Variants in TTC21B observed in about 807,000 individuals in gnomAD.
TTC21B encodes tetratricopeptide repeat domain 21B.
In TTC21B, 127 loss-of-function variants were observed where a neutral mutation model predicts 175.1. That is an observed-to-expected ratio of 0.73 (90% confidence interval 0.63 to 0.84). The LOEUF (loss-of-function observed/expected upper bound fraction) is 0.84, where lower values mean the gene tolerates loss of function less well. TTC21B is among the 40% of genes least tolerant of loss of function. The pLI is 0.00. For synonymous variants in TTC21B, 524 were observed against 524.5 expected (o/e 1.00, Z 0.01); for missense variants, 1,561 against 1,558.3 (o/e 1.00, Z -0.03).
At chr2:165,935,905 A>G (rs1459503850) in intron 6 of TTC21B, among the ~76,000 whole-genome samples, 1 of 152,116 alleles carries the variant, frequency 6.6e-6, no homozygotes, top group African/African-American at 2.4e-5. Context: ...CTGTAAACTA[A>G]CTCAATGCAA....
At chr2:165,905,027 TAGA>T (rs1322398429) in intron 19 of TTC21B, among the ~76,000 whole-genome samples, 1 of 152,166 alleles carries the variant, frequency 6.6e-6, no homozygotes, top group Non-Finnish European at 1.5e-5. Flanking sequence ...AGGGAGAACC[TAGA>T]AGATTTCTCT....
intron 19 of TTC21B, among the ~76,000 whole-genome samples, chr2:165,906,687 G>GTAATCCCAGCA (rs1685746587): frequency 6.6e-6 from 1 of 152,140 alleles, no homozygotes; most frequent in African/African-American, 2.4e-5. Flanking sequence ...GCTCACGCCT[G>GTAATCCCAGCA]TAATCCCAGC....
chr2:165,916,505 T>C (rs976452828), intron 14 of TTC21B, among the ~76,000 whole-genome samples: 1 of 152,206 alleles, frequency 6.6e-6, no homozygotes, highest in Non-Finnish European at 1.5e-5. Flanking sequence ...AATATTCCTA[T>C]GAGTTTACCA....
In TTC21B at chr2:165,915,239, C is replaced by A. The variant is rs368202285; in HGVS notation, c.2100G>T (p.Lys700Asn). Residue 700 changes from lysine (K) to asparagine (N), a missense_variant, in exon 15 of 29, where the codon AAG (lysine) becomes AAT (asparagine). Lys to Asn is a moderately conservative substitution (Grantham distance 94). Coordinates refer to ENST00000243344, the MANE Select transcript of TTC21B (RefSeq NM_024753.5). ...AREKMADIYLKHRKDKMLYIT... is the reference protein window; with the variant it reads ...AREKMADIYLNHRKDKMLYIT... ...TATATAACATTTTATCTTTTCTGTG[C>A]TTCAGATAAATATCTGCCATTTTTT... 2 of 1,613,878 alleles carry A rather than the reference C, an allele frequency of 1.2e-6. No homozygotes were observed. The highest frequency in any genetic ancestry group is 4.5e-5 in the East Asian group (2 of 44,866).
intron 10 of TTC21B, 55 bp downstream of exon 10, chr2:165,929,595 T>G: frequency 7.8e-7 from 1 of 1,277,798 alleles, no homozygotes; most frequent in South Asian, 1.2e-5. Flanking sequence ...TGATTAATAA[T>G]TTCATATTTT....
chr2:165,890,135 G>T (rs1685137116), intron 24 of TTC21B, among the ~76,000 whole-genome samples: 1 of 152,132 alleles, frequency 6.6e-6, no homozygotes, highest in South Asian at 2.1e-4. Context: ...ACTACCATTT[G>T]TTAAGTAGTT....
chr2:165,949,433 G>T lies in TTC21B; in HGVS notation c.223C>A (p.Leu75Ile). Residue 75 changes from leucine to isoleucine, a missense_variant, in exon 3 of 29, where the codon CTT becomes ATT. Physicochemically the swap from Leu to Ile is conservative, Grantham distance 5 (BLOSUM62 2). Coordinates refer to ENST00000243344, the MANE Select transcript of TTC21B (RefSeq NM_024753.5). ...NKQDVSLCSL[L>I]ALIYAHKMSP... ...ATTTTATGGGCATATATCAGTGCAA[G>T]TAGAGAACAAAGTGATACATCTTGT... The T allele has an allele frequency of 6.2e-7, 1 of 1,613,694 alleles. No individual in the cohort carries two copies. Among genetic ancestry groups the T allele is most frequent in the Non-Finnish European group, 8.5e-7 (1 of 1,179,728 alleles).
At chr2:165,913,315 C>G (rs375980112) in intron 16 of TTC21B, among the ~76,000 whole-genome samples, 4 of 152,084 alleles carry the variant, frequency 2.6e-5, no homozygotes, top group Non-Finnish European at 4.4e-5. Flanking sequence ...CATGAACCAC[C>G]GTGCCTGGCC....
chr2:165,914,686 T>TGTGTGTGTGTGTGCGCGCGCGCGC lies in TTC21B; in HGVS notation c.2138+514_2138+515insGCGCGCGCGCGCACACACACACAC, dbSNP rs1559056063. On this transcript the variant is annotated intron_variant, in intron 15 of 28. Transcript: ENST00000243344. ...GTGTGTGTGTGTGTGTGTGTGTGTG[T>TGTGTGTGTGTGTGCGCGCGCGCGC]GTGTGTGTGTGTTGTGTATCCCAAT... Among the ~76,000 whole-genome samples, 6 of 151,164 alleles carry TGTGTGTGTGTGTGCGCGCGCGCGC rather than the reference T, an allele frequency of 4.0e-5. 1 individual carries two copies. The highest frequency in any genetic ancestry group is 1.5e-4 in the African/African-American group (6 of 41,058).
chr2:165,925,915 CTT>C (rs1387411557), intron 11 of TTC21B, among the ~76,000 whole-genome samples: 1 of 152,120 alleles, frequency 6.6e-6, no homozygotes, highest in African/African-American at 2.4e-5. Flanking sequence ...TGATAATGTT[CTT>C]TGTCACCTGC....
Position 165,917,442 on chromosome 2 carries a change from A to G in TTC21B, c.1714T>C (p.Ser572Pro), listed in dbSNP as rs2105327024. 1 of 1,613,912 alleles carries G rather than the reference A, an allele frequency of 6.2e-7. No homozygotes were observed. The highest frequency in any genetic ancestry group is 8.5e-7 in the Non-Finnish European group (1 of 1,179,946). The change falls in exon 14 of 29, where the codon TCA (serine) becomes CCA (proline). Residue 572 changes from serine (S) to proline (P), a missense_variant. Physicochemically the swap from Ser to Pro is moderately conservative, Grantham distance 74. Transcript: ENST00000243344. The part of the protein sequence containing the change: ...YPLYHLIKAQ[S>P]QKKMGEIADA... ...GCTATTTCTCCCATTTTCTTTTGTG[A>G]CTGAGCTTTTATCAAATGGTATAAA... is the stretch of plus-strand genomic sequence containing the variant.
At chr2:165,920,800 A>ATG (rs1470863737) in intron 12 of TTC21B, among the ~76,000 whole-genome samples, 1 of 62,438 alleles carries the variant, frequency 1.6e-5, no homozygotes, top group Admixed American at 2.0e-4. Context: ...TTTGAAGGAT[A>ATG]CTAAATATTT....
chr2:165,912,247 A>G (rs1685977292), intron 17 of TTC21B, among the ~76,000 whole-genome samples: 1 of 152,204 alleles, frequency 6.6e-6, no homozygotes, highest in African/African-American at 2.4e-5. Context: ...AAGAGGTGTA[A>G]GAATAGCAAC....
At chr2:165,938,762 G>A (rs1266581542) in intron 6 of TTC21B, among the ~76,000 whole-genome samples, 1 of 151,926 alleles carries the variant, frequency 6.6e-6, no homozygotes, top group East Asian at 1.9e-4. Flanking sequence ...GAGAAAGGAA[G>A]GGAGAGGGAA....
At chr2:165,906,564 C>A (rs187061668) in intron 19 of TTC21B, among the ~76,000 whole-genome samples, 391 of 152,034 alleles carry the variant, frequency 2.6e-3, no homozygotes, top group Non-Finnish European at 4.0e-3. Context: ...ATATAAGAAA[C>A]AATTTGAAAA....
intron 18 of TTC21B, among the ~76,000 whole-genome samples, chr2:165,909,375 A>C (rs1685853026): frequency 1.3e-5 from 2 of 152,148 alleles, no homozygotes; most frequent in Admixed American, 1.3e-4. Context: ...AAAAAAAGAC[A>C]TGAAAAGCAG....
rs1226147886 is a variant in TTC21B, at chr2:165,932,976, C to G, written c.792G>C (p.Glu264Asp). ...LYYVCREGDI[E>D]KASTKLENLG... is the part of the protein sequence containing the mutation. ...TAAATAATACAATGCCACTTACCTT[C>G]TCTATATCCCCCTCTCTACACACAT... Residue 264 changes from glutamate to aspartate, a missense_variant, in exon 7 of 29, where the codon GAG becomes GAC. Glu to Asp is a conservative substitution (Grantham distance 45). Transcript: ENST00000243344. The G allele has an allele frequency of 6.2e-7, 1 of 1,612,324 alleles. No individual in the cohort carries two copies. Among genetic ancestry groups the G allele is most frequent in the African/African-American group, 1.3e-5 (1 of 74,888 alleles).
chr2:165,915,185 T>G lies in TTC21B; in HGVS notation c.2138+16A>C, dbSNP rs371071790. 3 of 1,596,194 alleles carry G rather than the reference T, an allele frequency of 1.9e-6. No individual in the cohort carries two copies. The highest frequency in any genetic ancestry group is 4.5e-5 in the East Asian group (2 of 44,744). On this transcript the variant is annotated intron_variant, in intron 15 of 28. Transcript: ENST00000243344. ...CTAAATGTATCAAAATATAATGGGT[T>G]AAGACAATTACTTACCTAAAACAAG...
intron 24 of TTC21B, among the ~76,000 whole-genome samples, chr2:165,889,190 A>C (rs1265959938): frequency 6.6e-6 from 1 of 152,202 alleles, no homozygotes; most frequent in Non-Finnish European, 1.5e-5. Flanking sequence ...CAATCACTAA[A>C]GCCACTGGTC....
Sources: gnomAD v4.1 joint callset for allele counts (sites outside exome capture counted in the v4.1 genomes callset) on GRCh38, gnomAD v4.1.1 for gene constraint, MANE v1.5 for transcripts, NCBI Gene and HGNC (gene_info 2026-07-23, HGNC 2026-07-21) for gene names.